The following BFSP2 variants were observed in gnomAD, a reference collection of about 807,000 sequenced individuals.
The protein encoded by BFSP2 is beaded filament structural protein 2.
BFSP2 carries 38 observed loss-of-function variants against 44.9 expected under a neutral mutation model. The observed-to-expected ratio is 0.85, with a 90% CI of 0.65 to 1.11. The LOEUF is 1.11. BFSP2 is among the 50% of genes least tolerant of loss of function. BFSP2 has a pLI of 0.00. For missense variants in BFSP2, 525 were observed against 533.0 expected, an observed-to-expected ratio of 0.99 and a Z score of 0.15; for synonymous variants, 197 against 209.9, an observed-to-expected ratio of 0.94 and a Z score of 0.53.
intron 1 of BFSP2, among the ~76,000 whole-genome samples, chr3:133,441,536 AAG>A (rs1486078128): frequency 1.3e-5 from 2 of 152,134 alleles, no homozygotes; most frequent in African/African-American, 4.8e-5. Context: ...GGGGATGAGG[AAG>A]AGAGAGATGT....
chr3:133,414,648 C>T (rs1266406118), intron 1 of BFSP2, among the ~76,000 whole-genome samples: 3 of 131,126 alleles, frequency 2.3e-5, no homozygotes, highest in African/African-American at 6.4e-5. Flanking sequence ...CTCTACTCAC[C>T]GCTGTCTCAC....
intron 1 of BFSP2, among the ~76,000 whole-genome samples, chr3:133,401,029 G>A (rs1312567413): frequency 6.6e-6 from 1 of 152,204 alleles, no homozygotes; most frequent in East Asian, 1.9e-4. Flanking sequence ...CCATTGGATG[G>A]ATGAGGTGTT....
chr3:133,427,681 A>C (rs1309323845), intron 1 of BFSP2, among the ~76,000 whole-genome samples: 1 of 152,226 alleles, frequency 6.6e-6, no homozygotes, highest in Non-Finnish European at 1.5e-5. Flanking sequence ...CCATCCTGGC[A>C]ACAACACACT....
At chr3:133,411,097 T>C (rs1469691437) in intron 1 of BFSP2, among the ~76,000 whole-genome samples, 1 of 151,204 alleles carries the variant, frequency 6.6e-6, no homozygotes, top group African/African-American at 2.4e-5. Flanking sequence ...AATAAAAGCA[T>C]GATCCATCAA....
At chr3:133,436,812 G>C (rs1185555763) in intron 1 of BFSP2, among the ~76,000 whole-genome samples, 1 of 152,062 alleles carries the variant, frequency 6.6e-6, no homozygotes, top group Admixed American at 6.5e-5. Context: ...GTGTCCAAGT[G>C]TCCTCATTGT....
intron 1 of BFSP2, among the ~76,000 whole-genome samples, chr3:133,425,424 C>T (rs537296913): frequency 1.3e-5 from 2 of 152,180 alleles, no homozygotes; most frequent in African/African-American, 4.8e-5. Flanking sequence ...TGATAGGGCC[C>T]TCTCCCAAGA....
intron 1 of BFSP2, among the ~76,000 whole-genome samples, chr3:133,411,370 TAAAG>T (rs1432671137): frequency 1.3e-5 from 2 of 151,850 alleles, no homozygotes; most frequent in African/African-American, 4.8e-5. Flanking sequence ...TTCCAGCTAA[TAAAG>T]AAAAATAATA....
intron 4 of BFSP2, among the ~76,000 whole-genome samples, chr3:133,461,896 G>A (rs2074066902): frequency 6.6e-6 from 1 of 152,204 alleles, no homozygotes. Flanking sequence ...TTTCCACAAA[G>A]AGAAAGCAGG....
chr3:133,471,290 C>G (rs1576601170), intron 5 of BFSP2, among the ~76,000 whole-genome samples: 1 of 152,136 alleles, frequency 6.6e-6, no homozygotes, highest in South Asian at 2.1e-4. Context: ...GACAAGCTCC[C>G]AATCCCAGAC....
At chr3:133,462,683 A>G (rs2074074977) in intron 4 of BFSP2, among the ~76,000 whole-genome samples, 1 of 152,230 alleles carries the variant, frequency 6.6e-6, no homozygotes, top group South Asian at 2.1e-4. Flanking sequence ...ATAATTTTAG[A>G]AATAACACAA....
intron 1 of BFSP2, among the ~76,000 whole-genome samples, chr3:133,428,916 T>G (rs1279232758): frequency 1.3e-5 from 2 of 152,258 alleles, no homozygotes; most frequent in Non-Finnish European, 2.9e-5. Context: ...CTTTTCCAAG[T>G]TGATTTTATT....
intron 1 of BFSP2, among the ~76,000 whole-genome samples, chr3:133,424,218 T>TGTGTGTGTGTGTGTGTGTGTGTG (rs1473665826): frequency 1.2e-4 from 8 of 64,800 alleles, no homozygotes; most frequent in African/African-American, 4.2e-4. Context: ...GCTAATTTTT[T>TGTGTGTGTGTGTGTGTGTGTGTG]TTTTTTTTTT....
At position 133,425,611 on chromosome 3, in the gene BFSP2, A is replaced by G. The variant is rs773632721; in HGVS notation, c.490-21706A>G. ...ATGTCCAGTTGATATATTATTCAAC[A>G]TATCAACCCTCACTTTCTCCCCTGC... On this transcript the variant is annotated intron_variant, in intron 1 of 6. Transcript: ENST00000302334. 4.7e-4 allele frequency among the ~76,000 whole-genome samples: 71 copies of G among 152,188 alleles called. 1 individual carries two copies. The Middle Eastern group carries it at 0.024, about 51-fold the overall frequency.
At chr3:133,431,444 C>T (rs2073717073) in intron 1 of BFSP2, among the ~76,000 whole-genome samples, 1 of 152,130 alleles carries the variant, frequency 6.6e-6, no homozygotes, top group Non-Finnish European at 1.5e-5. Context: ...GGAATGCCCG[C>T]AGCCCAGGAT....
intron 1 of BFSP2, among the ~76,000 whole-genome samples, chr3:133,416,875 GCTCTACTCATCC>G (rs1374851544): frequency 3.8e-5 from 2 of 52,974 alleles, no homozygotes; most frequent in South Asian, 7.5e-4. Flanking sequence ...CGCCCCCTCT[GCTCTACTCATCC>G]CTCTACTCAT....
intron 1 of BFSP2, among the ~76,000 whole-genome samples, chr3:133,425,547 C>G (rs1050510521): frequency 5.3e-5 from 8 of 152,150 alleles, no homozygotes; most frequent in Non-Finnish European, 1.2e-4. Flanking sequence ...ACATCACACT[C>G]GTTTTAAGCC....
At chr3:133,449,568 G>A (rs2073937267) in intron 3 of BFSP2, among the ~76,000 whole-genome samples, 3 of 151,892 alleles carry the variant, frequency 2.0e-5, no homozygotes. Context: ...CTGGGCTTGT[G>A]GAGACCAACC....
At chr3:133,416,737 C>T in intron 1 of BFSP2, among the ~76,000 whole-genome samples, 1 of 133,312 alleles carries the variant, frequency 7.5e-6, no homozygotes. Context: ...TCACCCTTGC[C>T]CTCTCACCTC....
In BFSP2 at chr3:133,447,483, A is replaced by C; in HGVS notation, c.572+84A>C. ...TGGATAATGCTGTTCTGGAGCCTGCATCATCCACCTTCTACCTCAGGGGAA... is the reference window on the plus strand; with the variant it reads ...TGGATAATGCTGTTCTGGAGCCTGCCTCATCCACCTTCTACCTCAGGGGAA... On this transcript the variant is annotated intron_variant, in intron 2 of 6. Coordinates refer to ENST00000302334, the MANE Select transcript of BFSP2 (RefSeq NM_003571.4). 8.8e-6 allele frequency: 12 copies of C among 1,370,254 alleles called. No individual in the cohort carries two copies. The South Asian group carries it at 1.5e-4, about 17-fold the overall frequency. 84.9% of individuals were successfully genotyped at this position (1,370,254 alleles called of 1,614,324 possible).
Sources: gnomAD v4.1 joint callset for allele counts (sites outside exome capture counted in the v4.1 genomes callset) on GRCh38, gnomAD v4.1.1 for gene constraint, MANE v1.5 for transcripts, NCBI Gene and HGNC (gene_info 2026-07-23, HGNC 2026-07-21) for gene names.